The following SPATS2L variants were observed in gnomAD, a reference collection of about 807,000 sequenced individuals.
SPATS2L encodes the protein SPATS2-like protein.
In SPATS2L, 30 loss-of-function variants were observed where a neutral mutation model predicts 59.6. That is an observed-to-expected ratio of 0.50 (90% CI 0.38 to 0.68). The LOEUF (loss-of-function observed/expected upper bound fraction) is 0.68. Among genes scored for constraint, SPATS2L ranks in the 30% least tolerant of loss-of-function variants. The pLI is 0.00. For synonymous variants in SPATS2L, 252 were observed against 263.5 expected, an observed-to-expected ratio of 0.96 and a Z score of 0.42; for missense variants, 615 against 700.0, an observed-to-expected ratio of 0.88 and a Z score of 1.37.
In SPATS2L at chr2:200,477,649, A is replaced by G. The variant is rs1028944746; in HGVS notation, c.1295A>G (p.Asn432Ser). 1.3e-6 allele frequency: 2 copies of G among 1,548,916 alleles called. No individual in the cohort carries two copies. Among genetic ancestry groups the G allele is most frequent in the African/African-American group, 2.8e-5 (2 of 72,628 alleles). ...CTTTTTTGGTAGAATGGATCTTCTA[A>G]CCAAAGACGGAGATTTAATCCACAG... Reference protein sequence around the residue: ...MPANKQNGSSNQRRRFNPQYH... With the variant: ...MPANKQNGSSSQRRRFNPQYH... Residue 432 changes from asparagine to serine, a missense_variant, in exon 13 of 13, where the codon AAC becomes AGC. Physicochemically the swap from Asn to Ser is conservative, Grantham distance 46 (BLOSUM62 1). Transcript: ENST00000409140.
chr2:200,343,430 C>T (rs1309033282), intron 2 of SPATS2L, among the ~76,000 whole-genome samples: 1 of 152,180 alleles, frequency 6.6e-6, no homozygotes, highest in African/African-American at 2.4e-5. Context: ...CCAAGGGTGC[C>T]TGTTTAGTTT....
chr2:200,467,494 C>G, intron 10 of SPATS2L, 95 bp downstream of exon 10: 2 of 807,874 alleles, frequency 2.5e-6, no homozygotes, highest in Non-Finnish European at 4.2e-6. Context: ...CTCTGAGGAT[C>G]TAACATGTAC....
chr2:200,410,141 T>C (rs1266277368), intron 3 of SPATS2L, among the ~76,000 whole-genome samples: 19 of 151,830 alleles, frequency 1.3e-4, no homozygotes, highest in Admixed American at 1.2e-3. Flanking sequence ...TAGGTGTGCC[T>C]GATGTGGTAA....
At chr2:200,319,564 C>CAAAA (rs56210295) in intron 1 of SPATS2L, among the ~76,000 whole-genome samples, 8 of 50,998 alleles carry the variant, frequency 1.6e-4, no homozygotes, top group African/African-American at 3.2e-4. Context: ...GACCCCACCT[C>CAAAA]AAAAAAAAAA....
At chr2:200,328,922 G>A (rs1198367537) in intron 1 of SPATS2L, among the ~76,000 whole-genome samples, 6 of 152,170 alleles carry the variant, frequency 3.9e-5, no homozygotes, top group Non-Finnish European at 8.8e-5. Context: ...AGATATTTTG[G>A]TGAATAGTCC....
intron 9 of SPATS2L, chr2:200,460,892 A>C (rs985930511): frequency 6.6e-6 from 1 of 151,292 alleles, no homozygotes; most frequent in African/African-American, 2.4e-5. Flanking sequence ...TGCTCACTGC[A>C]AGCTCCACCT....
intron 4 of SPATS2L, 46 bp from the exon 5 acceptor site, chr2:200,416,333 G>T: frequency 9.6e-7 from 1 of 1,036,334 alleles, no homozygotes; most frequent in Non-Finnish European, 1.3e-6. Flanking sequence ...TTTGTGTGGT[G>T]TTTTATGATG....
At chr2:200,430,515 A>G (rs759064046) in intron 6 of SPATS2L, among the ~76,000 whole-genome samples, 2 of 151,984 alleles carry the variant, frequency 1.3e-5, no homozygotes, top group Non-Finnish European at 1.5e-5. Context: ...AAATGCACAG[A>G]TATGTAGATT....
chr2:200,460,471 C>T (rs1292346933), intron 9 of SPATS2L, among the ~76,000 whole-genome samples: 2 of 152,132 alleles, frequency 1.3e-5, no homozygotes, highest in South Asian at 2.1e-4. Flanking sequence ...CAAGGCTGGG[C>T]GCGGTGGCTT....
chr2:200,480,744 T>C lies in SPATS2L; in HGVS notation c.*2713T>C, dbSNP rs2087756696. The stretch of plus-strand genomic sequence containing the variant: ...TGCATTTTTGAAACAGTAATTTCAA[T>C]ATTTTAGTGCCAATGTCAGGCCGCT... On this transcript the variant is annotated 3_prime_UTR_variant, in exon 13 of 13. Transcript: ENST00000409140. The C allele has an allele frequency of 6.6e-6, 1 of 152,242 alleles. No individual in the cohort carries two copies. Among genetic ancestry groups the C allele is most frequent in the Admixed American group, 6.5e-5 (1 of 15,284 alleles). 9.4% of individuals were successfully genotyped at this position (152,242 alleles called of 1,614,324 possible).
intron 9 of SPATS2L, chr2:200,461,082 G>A (rs2086209009): frequency 6.6e-6 from 1 of 152,128 alleles, no homozygotes; most frequent in Admixed American, 6.5e-5. Context: ...AAAGTGCTGG[G>A]ATTATAGGCT....
At chr2:200,361,908 A>G (rs1367538838) in intron 2 of SPATS2L, among the ~76,000 whole-genome samples, 2 of 152,178 alleles carry the variant, frequency 1.3e-5, no homozygotes, top group African/African-American at 4.8e-5. Flanking sequence ...ACATTTATAC[A>G]TAAGTCTTTT....
chr2:200,359,020 A>G (rs576638765), intron 2 of SPATS2L, among the ~76,000 whole-genome samples: 2 of 151,850 alleles, frequency 1.3e-5, no homozygotes, highest in Non-Finnish European at 2.9e-5. Flanking sequence ...ACACACACAA[A>G]TTTTCTTTGA....
chr2:200,461,549 G>A (rs953978695), intron 9 of SPATS2L, among the ~76,000 whole-genome samples: 1 of 152,168 alleles, frequency 6.6e-6, no homozygotes, highest in Non-Finnish European at 1.5e-5. Flanking sequence ...TTAGTTTGCT[G>A]TGTTAATGGG....
At chr2:200,312,313 C>T (rs142394141) in intron 1 of SPATS2L, among the ~76,000 whole-genome samples, 1 of 152,298 alleles carries the variant, frequency 6.6e-6, no homozygotes, top group African/African-American at 2.4e-5. Context: ...AGCAGCCAGC[C>T]ATCTGTGGGA....
At chr2:200,396,152 C>T (rs998379850) in intron 3 of SPATS2L, among the ~76,000 whole-genome samples, 47 of 144,406 alleles carry the variant, frequency 3.3e-4, no homozygotes, top group African/African-American at 7.5e-4. Flanking sequence ...CTTTTTCAAA[C>T]GTTTATAGCT....
chr2:200,448,923 A>G (rs1434870922), intron 8 of SPATS2L, among the ~76,000 whole-genome samples: 1 of 152,196 alleles, frequency 6.6e-6, no homozygotes, highest in Non-Finnish European at 1.5e-5. Flanking sequence ...AAATTGCCCA[A>G]AATGACTCCT....
Position 200,416,438 on chromosome 2 carries a change from A to G in SPATS2L, c.198+10A>G. Reference sequence around the variant, plus strand: ...GACAGGAAAAAAGAAGGTAAGATTAATATTGATTGTAAATTGGTAACATCT... The same window carrying G: ...GACAGGAAAAAAGAAGGTAAGATTAGTATTGATTGTAAATTGGTAACATCT... On this transcript the variant is annotated intron_variant, in intron 5 of 12. Coordinates refer to ENST00000409140, the MANE Select transcript of SPATS2L (RefSeq NM_001100423.2). The G allele has an allele frequency of 7.2e-7, 1 of 1,389,956 alleles. No individual in the cohort carries two copies. Among genetic ancestry groups the G allele is most frequent in the East Asian group, 2.5e-5 (1 of 39,722 alleles). 86.1% of individuals were successfully genotyped at this position (1,389,956 alleles called of 1,614,324 possible).
chr2:200,317,699 G>C (rs1457809441), intron 1 of SPATS2L, among the ~76,000 whole-genome samples: 1 of 152,160 alleles, frequency 6.6e-6, no homozygotes, highest in Non-Finnish European at 1.5e-5. Context: ...TTGGAAAAAA[G>C]GCATGTTTAC....
Sources: allele counts gnomAD v4.1 joint callset (sites outside exome capture counted in the v4.1 genomes callset), GRCh38; gene constraint gnomAD v4.1.1; transcripts MANE v1.5; gene names NCBI Gene and HGNC (gene_info 2026-07-23, HGNC 2026-07-21).